The following SPNS2 variants were observed in gnomAD, a reference collection of about 807,000 sequenced individuals.
The protein encoded by SPNS2 is SPNS lysolipid transporter 2, sphingosine-1-phosphate.
A neutral mutation model predicts 57.6 loss-of-function variants in SPNS2; 37 were observed. The observed-to-expected ratio is 0.64, with a 90% CI of 0.49 to 0.85. SPNS2 has a LOEUF of 0.85. SPNS2 is among the 40% of genes least tolerant of loss of function. SPNS2 has a pLI of 0.00. For missense variants in SPNS2, 831 were observed against 779.1 expected (o/e 1.07, Z -0.79); for synonymous variants, 440 against 346.9 (o/e 1.27, Z -2.98).
chr17:4,537,173 C>A (rs1345747914), intron 12 of SPNS2, among the ~76,000 whole-genome samples: 1 of 152,224 alleles, frequency 6.6e-6, no homozygotes, highest in Non-Finnish European at 1.5e-5. Context: ...CTTTCAAGGG[C>A]TGGGTGGGGC....
rs369295628 is a variant in SPNS2 at position 4,532,599 on chromosome 17, A to C, written c.850A>C (p.Thr284Pro). Residue 284 changes from threonine to proline, a missense_variant, in exon 6 of 13, where the codon ACT (threonine) becomes CCT (proline). Physicochemically the swap from Thr to Pro is conservative, Grantham distance 38. Coordinates refer to ENST00000329078, the MANE Select transcript of SPNS2 (RefSeq NM_001124758.3). Reference sequence around the variant, plus strand: ...ACTCATCCTCATTCTGGTCCCAGCCACTAAAAGGGGTCATGCCGACCAGCT... The same window carrying C: ...ACTCATCCTCATTCTGGTCCCAGCCCCTAAAAGGGGTCATGCCGACCAGCT... Reference protein sequence around the residue: ...GTLILILVPATKRGHADQLGD... With the variant: ...GTLILILVPAPKRGHADQLGD... 218 of 1,613,810 alleles carry C rather than the reference A, an allele frequency of 1.4e-4. No individual in the cohort carries two copies. Among genetic ancestry groups the C allele is most frequent in the Non-Finnish European group, 1.6e-4 (191 of 1,179,874 alleles).
intron 1 of SPNS2, among the ~76,000 whole-genome samples, chr17:4,503,193 G>T (rs1234197294): frequency 3.3e-5 from 5 of 152,228 alleles, no homozygotes; most frequent in African/African-American, 4.8e-5. Context: ...AGCCAGAGCG[G>T]CATCCTCTCC....
chr17:4,506,112 G>A (rs1597358486), intron 1 of SPNS2, among the ~76,000 whole-genome samples: 1 of 152,150 alleles, frequency 6.6e-6, no homozygotes, highest in Admixed American at 6.5e-5. Context: ...TGCAGGTGGG[G>A]AACACAGGCC....
chr17:4,502,787 T>G (rs1381009997), intron 1 of SPNS2, among the ~76,000 whole-genome samples: 1 of 152,176 alleles, frequency 6.6e-6, no homozygotes, highest in East Asian at 1.9e-4. Flanking sequence ...ATGCCTTTCC[T>G]GGGATTTTTG....
At position 4,536,089 on chromosome 17, in the gene SPNS2, C is replaced by G. The variant is rs976848209; in HGVS notation, c.1358C>G (p.Pro453Arg). The G allele has an allele frequency of 1.2e-6, 2 of 1,611,872 alleles. No homozygotes were observed. Among genetic ancestry groups the G allele is most frequent in the South Asian group, 1.1e-5 (1 of 91,046 alleles). ...TADILMYVVI[P>R]TRRATAVALQ... The stretch of plus-strand genomic sequence containing the variant: ...CCTGTTCCGCAGTACGTGGTCATCC[C>G]CACGCGGCGCGCCACTGCCGTGGCC... Residue 453 changes from proline (P) to arginine (R), a missense_variant, in exon 10 of 13, where the codon CCC (proline) becomes CGC (arginine). Physicochemically the swap from Pro to Arg is moderately radical, Grantham distance 103. This residue lies in a region of SPNS2 where 526 missense variants were observed against 400.9 expected (regional missense o/e 1.31). Transcript: ENST00000329078.
At chr17:4,505,108 G>A (rs1194899885) in intron 1 of SPNS2, among the ~76,000 whole-genome samples, 3 of 152,240 alleles carry the variant, frequency 2.0e-5, no homozygotes, top group East Asian at 1.9e-4. Flanking sequence ...CCTAACTCCC[G>A]GTTTTGAACT....
chr17:4,517,482 A>G (rs564852992), intron 2 of SPNS2, among the ~76,000 whole-genome samples: 1 of 152,206 alleles, frequency 6.6e-6, no homozygotes, highest in Admixed American at 6.5e-5. Context: ...AACATGGTGA[A>G]CCCCATCTCT....
chr17:4,533,988 G>C (rs914393535), intron 9 of SPNS2, 135 bp downstream of exon 9: 2 of 838,712 alleles, frequency 2.4e-6, no homozygotes, highest in Non-Finnish European at 3.9e-6. Flanking sequence ...TGAACCCAGA[G>C]GCAGGGAGGG....
Position 4,533,870 on chromosome 17 carries a change from G to A in SPNS2, c.1344+17G>A, listed in dbSNP as rs199530944. On this transcript the variant is annotated intron_variant, in intron 9 of 12. Coordinates refer to ENST00000329078, the MANE Select transcript of SPNS2 (RefSeq NM_001124758.3). ...ATCCTCATGGTGAGCCAGGCAGGCC[G>A]AGGTCACCTTGTGCTGCTGACCCAG... is the stretch of plus-strand genomic sequence containing the variant. The A allele has an allele frequency of 2.2e-4, 360 of 1,608,542 alleles. 3 individuals are homozygous for A. In the East Asian group the frequency reaches 7.8e-3, roughly 35 times the overall value.
chr17:4,537,888 A>C lies in SPNS2; in HGVS notation c.*440A>C, dbSNP rs187649001. The stretch of plus-strand genomic sequence containing the variant: ...GCTTTGAAGACTCAACAGACCCTGG[A>C]CCATACGGAGAGCAGGTGGCCCAGG... On this transcript the variant is annotated 3_prime_UTR_variant, in exon 13 of 13. Transcript: ENST00000329078. 4.6e-6 allele frequency: 2 copies of C among 431,156 alleles called. No individual in the cohort carries two copies. The highest frequency in any genetic ancestry group is 2.5e-5 in the Admixed American group (1 of 39,856). The allele number at this position is 431,156 out of a possible 1,614,324, so 26.7% of individuals were successfully genotyped here.
intron 9 of SPNS2, among the ~76,000 whole-genome samples, chr17:4,535,335 C>T (rs943902798): frequency 6.6e-6 from 1 of 152,170 alleles, no homozygotes; most frequent in African/African-American, 2.4e-5. Context: ...AGGGGCCTGC[C>T]TCACCAGCTC....
intron 2 of SPNS2, among the ~76,000 whole-genome samples, chr17:4,515,432 G>T (rs1904960357): frequency 6.6e-6 from 1 of 152,166 alleles, no homozygotes; most frequent in Admixed American, 6.5e-5. Context: ...GGGGAGCCTG[G>T]ATACCTGGCA....
Position 4,536,108 on chromosome 17 carries a change from C to T in SPNS2, c.1377C>T (p.Ala459=), listed in dbSNP as rs138268297. The T allele has an allele frequency of 3.0e-5, 49 of 1,612,308 alleles. No individual in the cohort carries two copies. In the East Asian group the frequency reaches 5.1e-4, roughly 17 times the overall value. ...YVVIPTRRAT[A]VALQSFTSHL... is the part of the protein sequence containing the mutation. ...TCATCCCCACGCGGCGCGCCACTGC[C>T]GTGGCCTTGCAGAGCTTCACCTCCC... The change falls in exon 10 of 13, where the codon GCC becomes GCT. Residue 459 remains alanine (A), a synonymous_variant. Coordinates refer to ENST00000329078, the MANE Select transcript of SPNS2 (RefSeq NM_001124758.3).
At chr17:4,513,629 C>A (rs1430565324) in intron 2 of SPNS2, among the ~76,000 whole-genome samples, 1 of 152,210 alleles carries the variant, frequency 6.6e-6, no homozygotes, top group Non-Finnish European at 1.5e-5. Flanking sequence ...GTGATCCAGG[C>A]TCCCTCCTGA....
intron 9 of SPNS2, 91 bp from the exon 10 acceptor site, chr17:4,535,985 G>C (rs1905763285): frequency 9.5e-7 from 1 of 1,057,878 alleles, no homozygotes; most frequent in Non-Finnish European, 1.4e-6. Flanking sequence ...GTCTGAGGGT[G>C]TGGGGGCTTC....
At chr17:4,530,922 A>G in intron 4 of SPNS2, 131 bp from the exon 5 acceptor site, 2 of 1,470,934 alleles carry the variant, frequency 1.4e-6, no homozygotes, top group Non-Finnish European at 1.8e-6. Context: ...AGCCTTTGAG[A>G]ATCTCCTGGA....
At chr17:4,523,707 A>C (rs1342365251) in intron 2 of SPNS2, among the ~76,000 whole-genome samples, 1 of 152,164 alleles carries the variant, frequency 6.6e-6, no homozygotes, top group African/African-American at 2.4e-5. Flanking sequence ...GCACCATTGC[A>C]CTCTAGCATG....
intron 8 of SPNS2, 109 bp downstream of exon 8, chr17:4,533,541 GGCTCCTATTCTCT>G: frequency 1.6e-6 from 2 of 1,266,590 alleles, no homozygotes; most frequent in Non-Finnish European, 2.1e-6. Flanking sequence ...CCCTCGGGGA[GGCTCCTATTCTCT>G]GGCTGCCCCT....
At chr17:4,518,489 C>T (rs1174285957) in intron 2 of SPNS2, among the ~76,000 whole-genome samples, 2 of 152,218 alleles carry the variant, frequency 1.3e-5, no homozygotes, top group Non-Finnish European at 2.9e-5. Context: ...CGCCACTGCA[C>T]TCCAGCCTGG....
Sources: allele counts gnomAD v4.1 joint callset (sites outside exome capture counted in the v4.1 genomes callset), GRCh38; gene constraint gnomAD v4.1.1; regional missense constraint gnomAD v4.1.1; transcripts MANE v1.5; gene names NCBI Gene and HGNC (gene_info 2026-07-23, HGNC 2026-07-21).